SHISA5: variants seen among roughly 807,000 people sequenced by gnomAD.
SHISA5 encodes shisa family member 5, also known as protein shisa-5.
SHISA5 carries 21 observed loss-of-function variants against 27.5 expected under a neutral mutation model. The ratio of observed to expected loss-of-function variants is 0.76; its 90% CI spans 0.54 to 1.10. The LOEUF is 1.10. Ranked by LOEUF, SHISA5 falls within the 50% of genes least tolerant of loss-of-function variation. The pLI is 0.00. For missense variants in SHISA5, 314 were observed against 336.3 expected, an observed-to-expected ratio of 0.93 and a Z score of 0.52; for synonymous variants, 137 against 142.2, an observed-to-expected ratio of 0.96 and a Z score of 0.26.
intron 2 of SHISA5, among the ~76,000 whole-genome samples, chr3:48,486,615 T>C (rs1437383917): frequency 7.4e-6 from 1 of 135,852 alleles, no homozygotes; most frequent in African/African-American, 2.7e-5. Context: ...TATATTATAA[T>C]AGATTATAAG....
chr3:48,473,845 G>A lies in SHISA5; in HGVS notation c.315-4002C>T, dbSNP rs1242948702. Among the ~76,000 whole-genome samples, 1 of 152,052 alleles carries A rather than the reference G, an allele frequency of 6.6e-6. No homozygotes were observed. Among genetic ancestry groups the A allele is most frequent in the Admixed American group, 6.6e-5 (1 of 15,246 alleles). On this transcript the variant is annotated intron_variant, in intron 3 of 5. Transcript: ENST00000296444. The surrounding 1 kb of genome is among the most constrained non-coding windows in gnomAD (Gnocchi z 4.3). ...GGAGGCCGAGGCTTTTGGGAAGCTT[G>A]AGCCCAGGAGTTCGAGACCAGCCTG...
Position 48,470,126 on chromosome 3 carries a change from C to T in SHISA5, c.315-283G>A, listed in dbSNP as rs190060298. Among the ~76,000 whole-genome samples, 1 of 152,330 alleles carries T rather than the reference C, an allele frequency of 6.6e-6. No homozygotes were observed. The highest frequency in any genetic ancestry group is 1.9e-4 in the East Asian group (1 of 5,182). On this transcript the variant is annotated intron_variant, in intron 3 of 5. Transcript: ENST00000296444. This position sits in a 1 kb window ranked among gnomAD's most constrained non-coding sequence, Gnocchi z 4.3. ...TCCCATGCCACACACATACATCTAT[C>T]TTGTCCACCTCACAACCAACTGATC...
chr3:48,489,544 G>C lies in SHISA5; in HGVS notation c.234-10287C>G, dbSNP rs1471669225. On this transcript the variant is annotated intron_variant, in intron 2 of 5. Coordinates refer to ENST00000296444, the MANE Select transcript of SHISA5 (RefSeq NM_016479.6). ...TCACCATGTTAGCCAGGATGGTCTC[G>C]ATCTCCTGACCTTGTGATCCGCCCG... 2.0e-5 allele frequency among the ~76,000 whole-genome samples: 3 copies of C among 150,426 alleles called. No homozygotes were observed. The Admixed American group carries it at 2.0e-4, about 10-fold the overall frequency.
chr3:48,467,886 T>C lies in SHISA5; in HGVS notation c.*1221A>G. The C allele has an allele frequency of 2.0e-6, 1 of 508,194 alleles. No homozygotes were observed. The highest frequency in any genetic ancestry group is 3.5e-6 in the Non-Finnish European group (1 of 285,896). The allele number at this position is 508,194 out of a possible 1,614,324, so 31.5% of individuals were successfully genotyped here. On this transcript the variant is annotated 3_prime_UTR_variant, in exon 6 of 6. Transcript: ENST00000296444. ...AAAGGGGGCAGCAGCTCCAAACGAT[T>C]GCATTTATTATAAACAAGTGTACAG...
chr3:48,495,220 T>C (rs1020974400), intron 2 of SHISA5, among the ~76,000 whole-genome samples: 2 of 146,906 alleles, frequency 1.4e-5, no homozygotes, highest in African/African-American at 5.4e-5. Context: ...TTATAACATG[T>C]TGGAAAGCTG....
At chr3:48,480,248 CAACA>C (rs2040965596) in intron 2 of SHISA5, among the ~76,000 whole-genome samples, 1 of 147,640 alleles carries the variant, frequency 6.8e-6, no homozygotes, top group South Asian at 2.1e-4. Flanking sequence ...ACAACAACAA[CAACA>C]AAAAACTCCT....
intron 2 of SHISA5, among the ~76,000 whole-genome samples, chr3:48,498,118 T>C (rs1309127925): frequency 6.6e-6 from 1 of 152,178 alleles, no homozygotes; most frequent in Non-Finnish European, 1.5e-5. Context: ...CATACAGTCA[T>C]CTCTACAAAT....
chr3:48,473,027 C>T lies in SHISA5; in HGVS notation c.315-3184G>A. ...AAGCTCACCCCATGTTAGCCTCTGC[C>T]TTCACCCAGAGGCCTCCTGTACCCC... On this transcript the variant is annotated intron_variant, in intron 3 of 5. Transcript: ENST00000296444. The surrounding 1 kb of genome is among the most constrained non-coding windows in gnomAD (Gnocchi z 4.3). 6.5e-7 allele frequency: 1 copy of T among 1,536,020 alleles called. No homozygotes were observed. The highest frequency in any genetic ancestry group is 1.4e-5 in the African/African-American group (1 of 73,092).
At chr3:48,503,888 C>T in intron 1 of SHISA5, 131 bp downstream of exon 1, 2 of 1,307,150 alleles carry the variant, frequency 1.5e-6, no homozygotes, top group Non-Finnish European at 2.0e-6. Context: ...GGTTCGCTGA[C>T]GGCCTCGGGG....
At position 48,503,619 on chromosome 3, in the gene SHISA5, G is replaced by A. The variant is rs1253115244; in HGVS notation, c.76+400C>T. The A allele has an allele frequency of 5.0e-6, 4 of 804,004 alleles. No individual in the cohort carries two copies. In the South Asian group the frequency reaches 1.2e-4, roughly 24 times the overall value. The allele number at this position is 804,004 out of a possible 1,614,324, so 49.8% of individuals were successfully genotyped here. ...AGGGCCAACGGAGGCAGCGGTGGGG[G>A]CTCCCAGACATTAAACAGAGGCAAA... On this transcript the variant is annotated intron_variant, in intron 1 of 5. Coordinates refer to ENST00000296444, the MANE Select transcript of SHISA5 (RefSeq NM_016479.6).
At chr3:48,482,566 A>G (rs2041058782) in intron 2 of SHISA5, among the ~76,000 whole-genome samples, 1 of 152,162 alleles carries the variant, frequency 6.6e-6, no homozygotes, top group Admixed American at 6.6e-5. Flanking sequence ...GATAGTGGTT[A>G]TATTGCCCTT....
chr3:48,481,551 G>C (rs1484850048), intron 2 of SHISA5, among the ~76,000 whole-genome samples: 2 of 152,158 alleles, frequency 1.3e-5, no homozygotes, highest in South Asian at 4.1e-4. Context: ...AGCACTTTGG[G>C]AGGCTGAGGA....
chr3:48,476,946 A>G (rs539823696), intron 3 of SHISA5: 1 of 394,934 alleles, frequency 2.5e-6, no homozygotes, highest in African/African-American at 2.1e-5. Context: ...AACAGGTCCC[A>G]CATGCACACC....
At chr3:48,501,768 A>G (rs1407239725) in intron 1 of SHISA5, among the ~76,000 whole-genome samples, 1 of 150,652 alleles carries the variant, frequency 6.6e-6, no homozygotes, top group Non-Finnish European at 1.5e-5. Flanking sequence ...TCAAGGCCCT[A>G]CTCCAGGTGG....
At chr3:48,479,036 T>C in intron 3 of SHISA5, 141 bp downstream of exon 3, 2 of 720,200 alleles carry the variant, frequency 2.8e-6, no homozygotes, top group East Asian at 2.7e-5. Flanking sequence ...GCAAGTGTCC[T>C]AGTGGTCAGA....
At chr3:48,487,424 TAC>T (rs1192098522) in intron 2 of SHISA5, among the ~76,000 whole-genome samples, 3 of 152,352 alleles carry the variant, frequency 2.0e-5, no homozygotes, top group African/African-American at 7.2e-5. Context: ...GTTTTATAAA[TAC>T]ACAGTTTGTA....
intron 2 of SHISA5, among the ~76,000 whole-genome samples, chr3:48,499,508 A>G (rs796670172): frequency 6.6e-6 from 1 of 151,544 alleles, no homozygotes; most frequent in African/African-American, 2.4e-5. Flanking sequence ...GTGAAACCCC[A>G]TCTCTAGTAA....
chr3:48,473,314 A>G lies in SHISA5; in HGVS notation c.315-3471T>C, dbSNP rs1425217711. On this transcript the variant is annotated intron_variant, in intron 3 of 5. Coordinates refer to ENST00000296444, the MANE Select transcript of SHISA5 (RefSeq NM_016479.6). The surrounding 1 kb of genome is among the most constrained non-coding windows in gnomAD (Gnocchi z 4.3). Reference sequence around the variant, plus strand: ...AGCTGCCTCCCTGAGCCAAGCCTACAGGGCCTGACCTCAGAATGCAGCCTG... The same window carrying G: ...AGCTGCCTCCCTGAGCCAAGCCTACGGGGCCTGACCTCAGAATGCAGCCTG... 3 of 1,391,562 alleles carry G rather than the reference A, an allele frequency of 2.2e-6. No individual in the cohort carries two copies. The highest frequency in any genetic ancestry group is 3.2e-5 in the East Asian group (1 of 31,500). The allele number at this position is 1,391,562 out of a possible 1,614,324, so 86.2% of individuals were successfully genotyped here.
Position 48,468,093 on chromosome 3 carries a change from TG to T in SHISA5, c.*1013del. ...TCCCTGCTGCCAGAACACCGTGGAC[TG>T]GGGTACAGGAGTTGTTGCATATTCC... On this transcript the variant is annotated 3_prime_UTR_variant, in exon 6 of 6. Transcript: ENST00000296444. The T allele has an allele frequency of 1.0e-6, 1 of 958,744 alleles. No homozygotes were observed. Among genetic ancestry groups the T allele is most frequent in the Non-Finnish European group, 1.3e-6 (1 of 794,474 alleles). 59.4% of individuals were successfully genotyped at this position (958,744 alleles called of 1,614,324 possible).
Sources: allele counts gnomAD v4.1 joint callset (sites outside exome capture counted in the v4.1 genomes callset), GRCh38; gene constraint gnomAD v4.1.1; non-coding constraint Gnocchi (gnomAD v3.1); transcripts MANE v1.5; gene names NCBI Gene and HGNC (gene_info 2026-07-23, HGNC 2026-07-21).